Variants in POT1 observed in about 807,000 individuals in gnomAD.
POT1 encodes the protein protection of telomeres protein 1.
In POT1, 47 loss-of-function variants were observed where a neutral mutation model predicts 78.5. That is an observed-to-expected ratio of 0.60 (90% CI 0.47 to 0.76). The LOEUF is 0.76. Among genes scored for constraint, POT1 ranks in the 30% least tolerant of loss-of-function variants. POT1 has a pLI of 0.00. For synonymous variants in POT1, 259 were observed against 260.7 expected (o/e 0.99, Z 0.06); for missense variants, 646 against 749.9 (o/e 0.86, Z 1.62).
Position 124,858,943 on chromosome 7 carries a change from C to T in POT1, c.702+14G>A, listed in dbSNP as rs751694946. On this transcript the variant is annotated intron_variant, in intron 9 of 18. Coordinates refer to ENST00000357628, the MANE Select transcript of POT1 (RefSeq NM_015450.3). ...TAAAAACATAAAATAACATTTTTTC[C>T]TACTATACATCACCTTCAGAGATCT... The T allele has an allele frequency of 8.4e-6, 13 of 1,554,870 alleles. No homozygotes were observed. In the African/African-American group the frequency reaches 1.8e-4, roughly 21 times the overall value.
At chr7:124,839,637 T>C (rs1004166828) in intron 14 of POT1, among the ~76,000 whole-genome samples, 14 of 152,332 alleles carry the variant, frequency 9.2e-5, no homozygotes, top group Middle Eastern at 3.4e-3. Flanking sequence ...ACATTTCTTA[T>C]ATTCCTTTTA....
chr7:124,912,099 C>T (rs536093746), intron 3 of POT1, among the ~76,000 whole-genome samples: 1 of 152,230 alleles, frequency 6.6e-6, no homozygotes, highest in African/African-American at 2.4e-5. Flanking sequence ...CTCACTGAGG[C>T]TGTATCTAAT....
intron 3 of POT1, chr7:124,900,773 C>T (rs1796599094): frequency 2.8e-6 from 1 of 351,260 alleles, no homozygotes; most frequent in Admixed American, 2.8e-5. Flanking sequence ...ACGGTCAGTA[C>T]CTGGAACATC....
chr7:124,915,088 T>C lies in POT1; in HGVS notation c.-154+486A>G, dbSNP rs189539659. Among the ~76,000 whole-genome samples the C allele has an allele frequency of 7.2e-5, 11 of 152,286 alleles. No homozygotes were observed. The East Asian group carries it at 2.1e-3, about 29-fold the overall frequency. On this transcript the variant is annotated intron_variant, in intron 3 of 18. Transcript: ENST00000357628. ...AATTCAATAAGACAAGAACTAAGTT[T>C]TGTTCACAGCTTATAACCCCAGTAC...
At chr7:124,835,992 G>C (rs138721206) in intron 14 of POT1, among the ~76,000 whole-genome samples, 80 of 152,232 alleles carry the variant, frequency 5.3e-4, no homozygotes, top group African/African-American at 1.8e-3. Context: ...AGAAGGCAGT[G>C]TCCTTTTTAC....
At chr7:124,859,565 T>A (rs1795533797) in intron 8 of POT1, among the ~76,000 whole-genome samples, 3 of 152,092 alleles carry the variant, frequency 2.0e-5, no homozygotes, top group Middle Eastern at 3.2e-3. Flanking sequence ...ATTCTGATGT[T>A]TCCATACAAA....
At position 124,928,909 on chromosome 7, in the gene POT1, T is replaced by A. The variant is rs118121031; in HGVS notation, c.-321A>T. The A allele has an allele frequency of 5.2e-3, 798 of 152,746 alleles. 3 individuals carry two copies. The highest frequency in any genetic ancestry group is 7.7e-3 in the Non-Finnish European group (521 of 68,020). The allele number at this position is 152,746 out of a possible 1,614,324, so 9.5% of individuals were successfully genotyped here. ...CAGCGGCTGAACTTCAGGCACCCCATTGACTTCCTTTATTAATTCAAGTGG... is the reference window on the plus strand; with the variant it reads ...CAGCGGCTGAACTTCAGGCACCCCAATGACTTCCTTTATTAATTCAAGTGG... On this transcript the variant is annotated 5_prime_UTR_variant, in exon 2 of 19. An upstream start codon of the reference 5' UTR is lost. Coordinates refer to ENST00000357628, the MANE Select transcript of POT1 (RefSeq NM_015450.3).
At chr7:124,879,838 C>T (rs1053770977) in intron 6 of POT1, among the ~76,000 whole-genome samples, 4 of 152,070 alleles carry the variant, frequency 2.6e-5, no homozygotes, top group South Asian at 2.1e-4. Context: ...CATACATTAA[C>T]GGTTTCATCT....
chr7:124,828,043 A>C (rs1463233822), intron 16 of POT1, among the ~76,000 whole-genome samples: 2 of 152,098 alleles, frequency 1.3e-5, no homozygotes, highest in Non-Finnish European at 2.9e-5. Context: ...AAAATAAATA[A>C]AAATAAATAA....
At chr7:124,826,419 T>C (rs757210549) in intron 17 of POT1, among the ~76,000 whole-genome samples, 3 of 152,184 alleles carry the variant, frequency 2.0e-5, no homozygotes, top group Non-Finnish European at 2.9e-5. Context: ...AGGAGTCTTG[T>C]GAATTATCAA....
intron 6 of POT1, among the ~76,000 whole-genome samples, chr7:124,875,850 T>C (rs777928203): frequency 6.6e-6 from 1 of 152,200 alleles, no homozygotes; most frequent in Non-Finnish European, 1.5e-5. Flanking sequence ...TGAGGACCAT[T>C]CCATTTTGCT....
chr7:124,893,182 T>TA (rs1314885788), intron 5 of POT1, among the ~76,000 whole-genome samples: 5 of 151,362 alleles, frequency 3.3e-5, no homozygotes, highest in Non-Finnish European at 7.4e-5. Flanking sequence ...GAGCAAATTC[T>TA]AAAAAATGCA....
chr7:124,896,362 A>T (rs1460195820), intron 5 of POT1, among the ~76,000 whole-genome samples: 2 of 151,718 alleles, frequency 1.3e-5, no homozygotes, highest in African/African-American at 4.8e-5. Context: ...AATTTATAAC[A>T]ATTTTGGGAA....
chr7:124,836,520 C>G (rs1177600350), intron 14 of POT1, among the ~76,000 whole-genome samples: 1 of 152,198 alleles, frequency 6.6e-6, no homozygotes, highest in African/African-American at 2.4e-5. Context: ...TGAAGAGACT[C>G]CTGCCTACTG....
intron 9 of POT1, among the ~76,000 whole-genome samples, chr7:124,854,886 T>C (rs1262056653): frequency 6.6e-6 from 1 of 151,802 alleles, no homozygotes; most frequent in Non-Finnish European, 1.5e-5. Flanking sequence ...TATAAATATA[T>C]TAGTATAGCA....
At chr7:124,835,559 G>GTAAATGTA (rs1794880658) in intron 14 of POT1, 145 bp from the exon 15 acceptor site, 4 of 904,628 alleles carry the variant, frequency 4.4e-6, no homozygotes, top group Non-Finnish European at 6.4e-6. Flanking sequence ...ATATTAATTT[G>GTAAATGTA]TAAATGTACA....
intron 6 of POT1, among the ~76,000 whole-genome samples, chr7:124,877,840 C>CAAAAAAAAAAAAAAAAAAAAAAAAAA (rs201285982): frequency 2.5e-5 from 2 of 80,542 alleles, no homozygotes; most frequent in Non-Finnish European, 2.7e-5. Flanking sequence ...GATTCTGTCT[C>CAAAAAAAAAAAAAAAAAAAAAAAAAA]AAAAAAAAAA....
At chr7:124,900,305 C>T (rs1274500998) in intron 3 of POT1, among the ~76,000 whole-genome samples, 1 of 152,032 alleles carries the variant, frequency 6.6e-6, no homozygotes, top group East Asian at 1.9e-4. Context: ...TAACATGTTT[C>T]CCATCTGTAC....
chr7:124,884,857 G>GT (rs1796206937), intron 6 of POT1, among the ~76,000 whole-genome samples: 1 of 152,098 alleles, frequency 6.6e-6, no homozygotes, highest in Non-Finnish European at 1.5e-5. Flanking sequence ...GTTTTATTTT[G>GT]TAAGAGCAGA....
Sources: gnomAD v4.1 joint callset for allele counts (sites outside exome capture counted in the v4.1 genomes callset) on GRCh38, gnomAD v4.1.1 for gene constraint, MANE v1.5 for transcripts, NCBI Gene and HGNC (gene_info 2026-07-23, HGNC 2026-07-21) for gene names.